The following CADM1 variants were observed in gnomAD, a reference collection of about 807,000 sequenced individuals.
The protein encoded by CADM1 is TSLC-1.
CADM1 carries 15 observed loss-of-function variants against 53.1 expected under a neutral mutation model. That is an observed-to-expected ratio of 0.28 (90% CI 0.19 to 0.44). CADM1 has a LOEUF of 0.44. Among genes scored for constraint, CADM1 ranks in the 20% least tolerant of loss-of-function variants. The pLI is 1.00. For synonymous variants in CADM1, 281 were observed against 243.0 expected, an observed-to-expected ratio of 1.16 and a Z score of -1.45; for missense variants, 434 against 611.3, an observed-to-expected ratio of 0.71 and a Z score of 3.06.
chr11:115,231,448 G>A lies in CADM1; in HGVS notation c.467C>T (p.Ala156Val), dbSNP rs201626870. 71 of 1,613,434 alleles carry A rather than the reference G, an allele frequency of 4.4e-5. No individual in the cohort carries two copies. The highest frequency in any genetic ancestry group is 3.3e-4 in the Middle Eastern group (2 of 6,084). Residue 156 changes from alanine to valine, a missense_variant, in exon 4 of 12, where the codon GCG becomes GTG. This residue lies in a region of CADM1 where 311 missense variants were observed against 435.1 expected (regional missense o/e 0.71). Coordinates refer to ENST00000331581, the MANE Select transcript of CADM1 (RefSeq NM_001301043.2). ...NLMIDIQKDT[A>V]VEGEEIEVNC... ...GACTTCAATCTCCTCACCTTCCACC[G>A]CAGTGTCTTTCTGGATATCGATCAT...
At chr11:115,253,238 G>T (rs1010198672) in intron 1 of CADM1, among the ~76,000 whole-genome samples, 1 of 151,430 alleles carries the variant, frequency 6.6e-6, no homozygotes, top group Non-Finnish European at 1.5e-5. Context: ...TAGCCTGTTC[G>T]GCTTGCACGT....
chr11:115,250,036 C>T (rs953482630), intron 1 of CADM1, among the ~76,000 whole-genome samples: 1 of 152,164 alleles, frequency 6.6e-6, no homozygotes, highest in Non-Finnish European at 1.5e-5. Flanking sequence ...TCCCAAGTAG[C>T]TGGGACTACA....
intron 1 of CADM1, among the ~76,000 whole-genome samples, chr11:115,500,267 T>C (rs922732609): frequency 6.6e-6 from 1 of 152,080 alleles, no homozygotes; most frequent in African/African-American, 2.4e-5. Context: ...TTTAAGAGAA[T>C]CCCCACATTA....
At chr11:115,207,156 G>A (rs1465229768) in intron 8 of CADM1, 3 of 152,122 alleles carry the variant, frequency 2.0e-5, no homozygotes, top group Non-Finnish European at 4.4e-5. Flanking sequence ...ACAATGTTGT[G>A]TTAGTAGCAA....
At chr11:115,288,372 T>C (rs1472049538) in intron 1 of CADM1, among the ~76,000 whole-genome samples, 1 of 152,176 alleles carries the variant, frequency 6.6e-6, no homozygotes, top group Non-Finnish European at 1.5e-5. Context: ...CAGGGTTTTG[T>C]TACTTGCAGA....
chr11:115,275,131 A>G (rs891558640), intron 1 of CADM1, among the ~76,000 whole-genome samples: 1 of 152,234 alleles, frequency 6.6e-6, no homozygotes, highest in East Asian at 1.9e-4. Flanking sequence ...GCCACTGCCC[A>G]GAATCAGGCC....
intron 6 of CADM1, 151 bp downstream of exon 6, chr11:115,217,741 C>T (rs1565304487): frequency 1.4e-6 from 1 of 693,064 alleles, no homozygotes; most frequent in East Asian, 2.7e-5. Context: ...TATTTATTTC[C>T]ACTCTCACTG....
chr11:115,220,790 GT>G (rs1941376771), intron 5 of CADM1, among the ~76,000 whole-genome samples: 2 of 152,072 alleles, frequency 1.3e-5, no homozygotes, highest in East Asian at 1.9e-4. Context: ...AAACTTAAGC[GT>G]TTTCAACAGG....
intron 10 of CADM1, among the ~76,000 whole-genome samples, chr11:115,188,316 A>G (rs908851162): frequency 6.6e-6 from 1 of 152,200 alleles, no homozygotes; most frequent in African/African-American, 2.4e-5. Context: ...CAAAAAGTAA[A>G]TGAAAGGGTT....
chr11:115,305,094 C>G (rs540516462), intron 1 of CADM1, among the ~76,000 whole-genome samples: 1 of 150,768 alleles, frequency 6.6e-6, no homozygotes, highest in East Asian at 2.0e-4. Flanking sequence ...GAAATGAGAA[C>G]TCACTCAACT....
chr11:115,217,871 A>G (rs1486722662), intron 6 of CADM1, 21 bp downstream of exon 6: 3 of 1,537,246 alleles, frequency 2.0e-6, no homozygotes, highest in African/African-American at 1.4e-5. Context: ...CCCTCTGCCA[A>G]CTTTGGCCTT....
intron 6 of CADM1, among the ~76,000 whole-genome samples, chr11:115,215,467 G>A (rs1263168576): frequency 2.0e-5 from 3 of 152,086 alleles, no homozygotes; most frequent in African/African-American, 4.8e-5. Context: ...TCCAAGGCCT[G>A]CATATTGTGA....
intron 10 of CADM1, among the ~76,000 whole-genome samples, chr11:115,183,949 A>C (rs1939428161): frequency 6.6e-6 from 1 of 152,198 alleles, no homozygotes; most frequent in African/African-American, 2.4e-5. Context: ...TTTTTGCAAC[A>C]GTTCTGTCAC....
At chr11:115,265,684 T>A (rs1943114329) in intron 1 of CADM1, among the ~76,000 whole-genome samples, 1 of 152,208 alleles carries the variant, frequency 6.6e-6, no homozygotes, top group Non-Finnish European at 1.5e-5. Flanking sequence ...GTTCACTGGG[T>A]TAATCCAAAA....
At chr11:115,422,737 G>C (rs961939607) in intron 1 of CADM1, among the ~76,000 whole-genome samples, 5 of 152,138 alleles carry the variant, frequency 3.3e-5, no homozygotes, top group African/African-American at 9.7e-5. Context: ...ACTATAAGCT[G>C]ATCTTTAACA....
chr11:115,307,398 CA>C lies in CADM1; in HGVS notation c.125-66979del, dbSNP rs1197921237. Reference sequence around the variant, plus strand: ...ACCTATCCTCTCTCAGCAAGAACACCAAAAATGCAGTTACCCTGTTTCCTAT... The same window carrying C: ...ACCTATCCTCTCTCAGCAAGAACACCAAAATGCAGTTACCCTGTTTCCTAT... On this transcript the variant is annotated intron_variant, in intron 1 of 11. Coordinates refer to ENST00000331581, the MANE Select transcript of CADM1 (RefSeq NM_001301043.2). Among the ~76,000 whole-genome samples the C allele has an allele frequency of 2.6e-5, 4 of 151,210 alleles. No homozygotes were observed. In the East Asian group the frequency reaches 7.8e-4, roughly 30 times the overall value.
At chr11:115,205,348 C>T (rs2134711813) in intron 8 of CADM1, among the ~76,000 whole-genome samples, 1 of 152,266 alleles carries the variant, frequency 6.6e-6, no homozygotes, top group East Asian at 1.9e-4. Context: ...AAGACAGGGG[C>T]TAATACTATC....
chr11:115,426,173 T>C (rs182145766), intron 1 of CADM1, among the ~76,000 whole-genome samples: 147 of 152,344 alleles, frequency 9.6e-4, no homozygotes, highest in African/African-American at 3.1e-3. Flanking sequence ...AATTTTCTTT[T>C]GAGCTTCAGG....
rs1938845021 is a variant in CADM1 at position 115,172,818 on chromosome 11, C to CTTCAG, written c.*3651_*3655dup. 1 of 141,712 alleles carries CTTCAG rather than the reference C, an allele frequency of 7.1e-6. No homozygotes were observed. The highest frequency in any genetic ancestry group is 2.6e-5 in the African/African-American group (1 of 38,026). 8.8% of individuals were successfully genotyped at this position (141,712 alleles called of 1,614,324 possible). On this transcript the variant is annotated 3_prime_UTR_variant, in exon 12 of 12. Coordinates refer to ENST00000331581, the MANE Select transcript of CADM1 (RefSeq NM_001301043.2). Reference sequence around the variant, plus strand: ...AGTGGCTCAAGGGGAGATGCACAGCCTTCAGTCTTTCTGGAGCTTACCTTT... The same window carrying CTTCAG: ...AGTGGCTCAAGGGGAGATGCACAGCCTTCAGTTCAGTCTTTCTGGAGCTTACCTTT...
Sources: gnomAD v4.1 joint callset for allele counts (sites outside exome capture counted in the v4.1 genomes callset) on GRCh38, gnomAD v4.1.1 for gene constraint, gnomAD v4.1.1 regional missense constraint, MANE v1.5 for transcripts, NCBI Gene and HGNC (gene_info 2026-07-23, HGNC 2026-07-21) for gene names.